Variants in CNTN4 observed in about 807,000 individuals in gnomAD.
The protein encoded by CNTN4 is contactin 4.
Under a neutral mutation model 122.5 loss-of-function variants are expected in CNTN4, and 77 were observed. The observed-to-expected ratio is 0.63, with a 90% CI of 0.52 to 0.76. The LOEUF is 0.76. Ranked by LOEUF, CNTN4 falls within the 30% of genes least tolerant of loss-of-function variation. The probability of loss-of-function intolerance (pLI) is 0.00; values close to 1 mark genes in which losing one functional copy is unlikely to be tolerated. For synonymous variants in CNTN4, 512 were observed against 447.0 expected, an observed-to-expected ratio of 1.15 and a Z score of -1.83; for missense variants, 1,256 against 1,259.1, an observed-to-expected ratio of 1.00 and a Z score of 0.04.
intron 2 of CNTN4, among the ~76,000 whole-genome samples, chr3:2,333,357 C>T (rs1238961955): frequency 1.3e-5 from 2 of 152,212 alleles, no homozygotes; most frequent in Non-Finnish European, 2.9e-5. Flanking sequence ...ATACTGTCAT[C>T]TCAGGGAGAG....
intron 3 of CNTN4, among the ~76,000 whole-genome samples, chr3:2,439,638 G>A (rs186361985): frequency 2.0e-4 from 31 of 152,110 alleles, no homozygotes; most frequent in South Asian, 6.2e-4. Context: ...GTGTGTGTGC[G>A]CGCGTGCTTG....
At chr3:2,286,557 G>A (rs938875296) in intron 2 of CNTN4, among the ~76,000 whole-genome samples, 6 of 152,062 alleles carry the variant, frequency 3.9e-5, no homozygotes, top group Admixed American at 6.6e-5. Flanking sequence ...GTTAAGTGGT[G>A]TTTAAGTCAG....
chr3:2,424,523 CAT>C (rs1456866346), intron 3 of CNTN4, among the ~76,000 whole-genome samples: 2 of 152,136 alleles, frequency 1.3e-5, no homozygotes, highest in Non-Finnish European at 2.9e-5. Flanking sequence ...CCGCACTAAA[CAT>C]ATGTGTGCAT....
rs191647195 is a variant in CNTN4, at chr3:2,500,306, T to G, written c.-88-71110T>G. 1.1e-4 allele frequency among the ~76,000 whole-genome samples: 17 copies of G among 152,260 alleles called. No individual in the cohort carries two copies. The East Asian group carries it at 2.5e-3, about 22-fold the overall frequency. On this transcript the variant is annotated intron_variant, in intron 3 of 24. Transcript: ENST00000418658. Reference sequence around the variant, plus strand: ...TTCTTTTCACCCTTAAAAATCCTTATTATAAGTGTTCTTTTTGTTGCTTTT... The same window carrying G: ...TTCTTTTCACCCTTAAAAATCCTTAGTATAAGTGTTCTTTTTGTTGCTTTT...
At chr3:3,006,789 A>G (rs1228843639) in intron 14 of CNTN4, among the ~76,000 whole-genome samples, 1 of 152,188 alleles carries the variant, frequency 6.6e-6, no homozygotes, top group Non-Finnish European at 1.5e-5. Flanking sequence ...ATTAATCTCT[A>G]GAAGTTTCCG....
intron 5 of CNTN4, among the ~76,000 whole-genome samples, chr3:2,741,099 C>A (rs1183120133): frequency 2.0e-5 from 3 of 152,200 alleles, no homozygotes; most frequent in African/African-American, 4.8e-5. Context: ...AGTATTTAAA[C>A]CACTCTATTA....
intron 2 of CNTN4, among the ~76,000 whole-genome samples, chr3:2,187,542 C>T (rs1365533575): frequency 2.6e-5 from 4 of 152,124 alleles, no homozygotes; most frequent in African/African-American, 7.2e-5. Flanking sequence ...CCTAGGTTCA[C>T]GATCAGCTGT....
At chr3:2,564,658 T>C (rs1287662852) in intron 3 of CNTN4, among the ~76,000 whole-genome samples, 1 of 152,112 alleles carries the variant, frequency 6.6e-6, no homozygotes, top group East Asian at 1.9e-4. Flanking sequence ...AACGCAGTTA[T>C]TCTGAATCTT....
intron 13 of CNTN4, among the ~76,000 whole-genome samples, chr3:2,942,614 A>G (rs575968881): frequency 2.2e-4 from 33 of 152,194 alleles, no homozygotes; most frequent in Non-Finnish European, 4.4e-4. Context: ...GAGCTTTTTA[A>G]TGGTGAAGCT....
chr3:3,041,491 C>T (rs1700160331), intron 20 of CNTN4, among the ~76,000 whole-genome samples: 1 of 152,226 alleles, frequency 6.6e-6, no homozygotes, highest in South Asian at 2.1e-4. Flanking sequence ...CAGGTTCACA[C>T]TGCAATCTGT....
intron 3 of CNTN4, among the ~76,000 whole-genome samples, chr3:2,535,101 T>G (rs2077750347): frequency 6.6e-6 from 1 of 152,168 alleles, no homozygotes; most frequent in Admixed American, 6.6e-5. Flanking sequence ...TAAATAGGAA[T>G]ACCTGTCTAT....
Position 3,045,495 on chromosome 3 carries a change from C to T in CNTN4, c.2811+1791C>T, listed in dbSNP as rs781643528. Among the ~76,000 whole-genome samples, 30 of 152,298 alleles carry T rather than the reference C, an allele frequency of 2.0e-4. No individual in the cohort carries two copies. In the East Asian group the frequency reaches 2.1e-3, roughly 11 times the overall value. On this transcript the variant is annotated intron_variant, in intron 23 of 24. Coordinates refer to ENST00000418658, the MANE Select transcript of CNTN4 (RefSeq NM_175607.3). The stretch of plus-strand genomic sequence containing the variant: ...GCAATATTTGCTGTTTTGCAGCCTC[C>T]GCTGCTGAAACCCAGGCAAACAGGG...
At chr3:2,170,054 G>A (rs914034993) in intron 2 of CNTN4, among the ~76,000 whole-genome samples, 3 of 152,074 alleles carry the variant, frequency 2.0e-5, no homozygotes, top group Non-Finnish European at 4.4e-5. Context: ...GGGCGCGGTG[G>A]CTCACGCCTG....
intron 13 of CNTN4, among the ~76,000 whole-genome samples, chr3:2,963,739 C>T (rs1475486265): frequency 2.0e-5 from 3 of 152,206 alleles, no homozygotes; most frequent in Admixed American, 6.5e-5. Context: ...GCACATATTA[C>T]TGCACTAACT....
chr3:2,208,055 C>A (rs1192443624), intron 2 of CNTN4, among the ~76,000 whole-genome samples: 1 of 152,118 alleles, frequency 6.6e-6, no homozygotes, highest in African/African-American at 2.4e-5. Context: ...ATCCTTTCTG[C>A]AGTTCATTGA....
At chr3:2,149,302 A>G (rs1574943519) in intron 2 of CNTN4, among the ~76,000 whole-genome samples, 1 of 152,182 alleles carries the variant, frequency 6.6e-6, no homozygotes, top group East Asian at 1.9e-4. Context: ...TCTAAGGGGT[A>G]CACACTTCCA....
At chr3:2,902,359 G>A (rs1306541029) in intron 11 of CNTN4, among the ~76,000 whole-genome samples, 2 of 151,938 alleles carry the variant, frequency 1.3e-5, no homozygotes, top group African/African-American at 2.4e-5. Context: ...TAAACTAAGG[G>A]AATATTAAAC....
intron 3 of CNTN4, among the ~76,000 whole-genome samples, chr3:2,481,903 TC>T (rs1170123212): frequency 6.6e-6 from 1 of 152,142 alleles, no homozygotes; most frequent in African/African-American, 2.4e-5. Flanking sequence ...TCATGAGATC[TC>T]CCCTGCCATG....
chr3:2,727,516 A>G (rs1336441490), intron 4 of CNTN4, among the ~76,000 whole-genome samples: 1 of 152,222 alleles, frequency 6.6e-6, no homozygotes, highest in Non-Finnish European at 1.5e-5. Flanking sequence ...GAATGTGTCA[A>G]GGTTTAAGAT....
Sources: gnomAD v4.1 joint callset for allele counts (sites outside exome capture counted in the v4.1 genomes callset) on GRCh38, gnomAD v4.1.1 for gene constraint, MANE v1.5 for transcripts, NCBI Gene and HGNC (gene_info 2026-07-23, HGNC 2026-07-21) for gene names.